Variants in YJU2B observed in about 807,000 individuals in gnomAD.
YJU2B encodes the protein probable splicing factor YJU2B.
Under a neutral mutation model 38.0 loss-of-function variants are expected in YJU2B, and 18 were observed. The observed-to-expected ratio is 0.47, with a 90% confidence interval of 0.33 to 0.70. The LOEUF (loss-of-function observed/expected upper bound fraction) is 0.70, where lower values mean the gene tolerates loss of function less well. YJU2B is among the 30% of genes least tolerant of loss of function. The probability of loss-of-function intolerance (pLI) is 0.02; values close to 1 mark genes in which losing one functional copy is unlikely to be tolerated. For synonymous variants in YJU2B, 246 were observed against 225.4 expected (o/e 1.09, Z -0.82); for missense variants, 538 against 556.3 (o/e 0.97, Z 0.33).
At chr19:13,757,303 A>G (rs693151) in intron 4 of YJU2B, 115 bp from the exon 5 acceptor site, 397,000 of 730,480 alleles carry the variant, frequency 0.54, 110,751 homozygotes, top group African/African-American at 0.79. Flanking sequence ...TCCCGTTAAC[A>G]GGGCAGTCTA....
rs779196095 is a variant in YJU2B at position 13,762,716 on chromosome 19, GA to G, written c.841del (p.Thr281ProfsTer128). On this transcript the variant is annotated frameshift_variant, in exon 10 of 10. Transcript: ENST00000221554. LOFTEE classifies it low-confidence loss of function (END_TRUNC). ...GVLKKLAQSR[R>X]TALATSPITV... ...CTGAAGAAGCTGGCACAGAGCCGCA[GA>G]ACCGCGCTTGCCACCTCCCCCATCA... The G allele has an allele frequency of 6.8e-6, 11 of 1,607,272 alleles. No individual in the cohort carries two copies. In the Admixed American group the frequency reaches 1.5e-4, roughly 22 times the overall value.
intron 1 of YJU2B, among the ~76,000 whole-genome samples, chr19:13,748,286 C>G (rs967142862): frequency 6.6e-6 from 1 of 152,156 alleles, no homozygotes; most frequent in Non-Finnish European, 1.5e-5. Flanking sequence ...AAACCGTGAG[C>G]AGCAGAAATG....
intron 2 of YJU2B, among the ~76,000 whole-genome samples, chr19:13,740,009 T>C (rs1973051702): frequency 6.6e-6 from 1 of 152,174 alleles, no homozygotes; most frequent in African/African-American, 2.4e-5. Flanking sequence ...TTGGTTTCTG[T>C]ATGTTTACTG....
rs112050313 is a variant in YJU2B, at chr19:13,758,985, G to A, written c.375G>A (p.Ala125=). The change falls in exon 7 of 10, where the codon GCG becomes GCA. Residue 125 remains alanine (A), a synonymous_variant. Transcript: ENST00000221554. ...AQRKEERWDM[A]DNEQVLTTEH... Reference sequence around the variant, plus strand: ...GCAAGGAGGAGCGCTGGGACATGGCGGACAATGAGCAGGTGCTGACCACAG... The same window carrying A: ...GCAAGGAGGAGCGCTGGGACATGGCAGACAATGAGCAGGTGCTGACCACAG... 3.2e-4 allele frequency: 510 copies of A among 1,613,682 alleles called. 2 individuals are homozygous for A. In the African/African-American group the frequency reaches 6.0e-3, roughly 19 times the overall value.
intron 3 of YJU2B, 137 bp downstream of exon 3, chr19:13,754,479 G>A: frequency 1.4e-6 from 1 of 725,658 alleles, no homozygotes. Flanking sequence ...TGAGTCTCGA[G>A]GCTGTCTTCA....
chr19:13,755,237 T>C (rs551609766), intron 3 of YJU2B, among the ~76,000 whole-genome samples: 1 of 148,634 alleles, frequency 6.7e-6, no homozygotes, highest in Admixed American at 6.7e-5. Flanking sequence ...CCAAGGCAGG[T>C]GGATCACCAG....
At position 13,757,464 on chromosome 19, in the gene YJU2B, A is replaced by G. The variant is rs140514061; in HGVS notation, c.187A>G (p.Ile63Val). 39 of 1,613,706 alleles carry G rather than the reference A, an allele frequency of 2.4e-5. No individual in the cohort carries two copies. In the African/African-American group the frequency reaches 2.8e-4, roughly 12 times the overall value. ...NIWCDGCKNHIGMGVRYNAEK... is the reference protein window; with the variant it reads ...NIWCDGCKNHVGMGVRYNAEK... ...CTGGTGCGATGGCTGCAAGAACCAC[A>G]TCGGCATGGGTGAGCCTCTGCCCAC... The change falls in exon 5 of 10, where the codon ATC becomes GTC. Residue 63 changes from isoleucine (I) to valine (V), a missense_variant. By Grantham distance (29) the Ile-to-Val change is conservative. Transcript: ENST00000221554.
At chr19:13,733,638 A>G (rs1972874939) in intron 2 of YJU2B, among the ~76,000 whole-genome samples, 6 of 152,212 alleles carry the variant, frequency 3.9e-5, no homozygotes, top group Middle Eastern at 3.4e-3. Context: ...GGAGAATCGC[A>G]TGAACCCAGA....
chr19:13,751,799 A>G lies in YJU2B; in HGVS notation c.-10A>G. The G allele has an allele frequency of 1.2e-6, 2 of 1,614,124 alleles. No individual in the cohort carries two copies. Among genetic ancestry groups the G allele is most frequent in the African/African-American group, 1.3e-5 (1 of 75,036 alleles). ...GCCCCGAGGCTGAGGACCAGTAGGC[A>G]GCTCCCAAGATGGTGAGTAGACAGC... On this transcript the variant is annotated 5_prime_UTR_variant, in exon 2 of 10. Transcript: ENST00000221554.
In YJU2B at chr19:13,751,642, G is replaced by C; in HGVS notation, c.-167G>C. 1.5e-6 allele frequency: 1 copy of C among 660,700 alleles called. No individual in the cohort carries two copies. Among genetic ancestry groups the C allele is most frequent in the Non-Finnish European group, 2.7e-6 (1 of 367,176 alleles). 40.9% of individuals were successfully genotyped at this position (660,700 alleles called of 1,614,324 possible). On this transcript the variant is annotated 5_prime_UTR_variant, in exon 2 of 10. Coordinates refer to ENST00000221554, the MANE Select transcript of YJU2B (RefSeq NM_030818.4). Reference sequence around the variant, plus strand: ...TTTTTGGATGCCTCCTATGCCTGGCGGGAGTCTTGTCTGAGCTGGCACCAC... The same window carrying C: ...TTTTTGGATGCCTCCTATGCCTGGCCGGAGTCTTGTCTGAGCTGGCACCAC...
Position 13,751,745 on chromosome 19 carries a change from G to C in YJU2B, c.-64G>C. ...CCACAAGAGGTCAGGACAGTGCAGT[G>C]TGTTCACAAGGCCAGTTTCTGATCG... On this transcript the variant is annotated 5_prime_UTR_variant, in exon 2 of 10. Transcript: ENST00000221554. 1 of 1,591,012 alleles carries C rather than the reference G, an allele frequency of 6.3e-7. No individual in the cohort carries two copies. Among genetic ancestry groups the C allele is most frequent in the Non-Finnish European group, 8.6e-7 (1 of 1,158,992 alleles).
At chr19:13,754,405 G>T in intron 3 of YJU2B, 63 bp downstream of exon 3, 1 of 1,381,326 alleles carries the variant, frequency 7.2e-7, no homozygotes, top group Non-Finnish European at 1.0e-6. Context: ...CCCTCTTGGG[G>T]TTAGAGCCAC....
At chr19:13,758,707 G>T (rs575009510) in intron 6 of YJU2B, among the ~76,000 whole-genome samples, 161 bp from the exon 7 acceptor site, 3 of 152,080 alleles carry the variant, frequency 2.0e-5, no homozygotes, top group African/African-American at 7.2e-5. Context: ...TGGGTGCCCG[G>T]ATGTGCCCCT....
intron 2 of YJU2B, among the ~76,000 whole-genome samples, chr19:13,737,474 A>C (rs1469204167): frequency 6.6e-6 from 1 of 151,098 alleles, no homozygotes; most frequent in East Asian, 2.0e-4. Context: ...TCCTAATCCA[A>C]CAACTGCAGA....
At chr19:13,762,268 CT>C (rs1973917610) in intron 8 of YJU2B, 30 bp from the exon 9 acceptor site, 3 of 1,610,076 alleles carry the variant, frequency 1.9e-6, no homozygotes, top group Non-Finnish European at 2.5e-6. Context: ...TTGACACCCC[CT>C]ATCTCTGGTG....
intron 2 of YJU2B, among the ~76,000 whole-genome samples, chr19:13,753,921 A>T (rs964990403): frequency 2.0e-5 from 3 of 152,136 alleles, no homozygotes; most frequent in Non-Finnish European, 4.4e-5. Context: ...CTGTAATCCC[A>T]GCACTTTGGG....
chr19:13,756,101 CTG>C, intron 3 of YJU2B, 94 bp from the exon 4 acceptor site: 2 of 944,302 alleles, frequency 2.1e-6, no homozygotes, highest in East Asian at 2.4e-5. Context: ...CCTCTCCCAC[CTG>C]TGAGACACTT....
intron 2 of YJU2B, among the ~76,000 whole-genome samples, chr19:13,753,826 C>T (rs1973563114): frequency 6.6e-6 from 1 of 152,204 alleles, no homozygotes; most frequent in East Asian, 1.9e-4. Context: ...GATTCGCCCC[C>T]ATGATTCGAT....
At chr19:13,745,209 G>A (rs891705108), upstream of YJU2B, among the ~76,000 whole-genome samples, 37 of 152,128 alleles carry the variant, frequency 2.4e-4, no homozygotes, top group Admixed American at 6.6e-5. Flanking sequence ...CCTTCTAGGG[G>A]CATTCTATGA....
Sources: allele counts gnomAD v4.1 joint callset (sites outside exome capture counted in the v4.1 genomes callset), GRCh38; gene constraint gnomAD v4.1.1; transcripts MANE v1.5; gene names NCBI Gene and HGNC (gene_info 2026-07-23, HGNC 2026-07-21).